MYOM1: variants seen among roughly 807,000 people sequenced by gnomAD.
MYOM1 encodes myomesin 1.
A neutral mutation model predicts 205.3 loss-of-function variants in MYOM1; 164 were observed. The ratio of observed to expected loss-of-function variants is 0.80; its 90% confidence interval spans 0.70 to 0.91. MYOM1 has a LOEUF of 0.91. Among genes scored for constraint, MYOM1 ranks in the 40% least tolerant of loss-of-function variants. The pLI, the probability that MYOM1 is intolerant of heterozygous loss-of-function variation, is 0.00. For synonymous variants in MYOM1, 772 were observed against 789.4 expected (o/e 0.98, Z 0.37); for missense variants, 2,011 against 2,127.3 (o/e 0.95, Z 1.08).
intron 34 of MYOM1, among the ~76,000 whole-genome samples, chr18:3,076,850 A>G (rs2079025650): frequency 6.6e-6 from 1 of 151,046 alleles, no homozygotes; most frequent in Admixed American, 6.6e-5. Context: ...AGTAGCTGGG[A>G]CTTCAGGCAC....
chr18:3,094,328 A>G, intron 25 of MYOM1, 22 bp from the exon 26 acceptor site: 1 of 1,587,344 alleles, frequency 6.3e-7, no homozygotes, highest in Admixed American at 1.8e-5. Context: ...AAAAATAAAC[A>G]CAGTAATTAT....
At chr18:3,154,842 G>T in intron 11 of MYOM1, 105 bp downstream of exon 11, 1 of 1,256,210 alleles carries the variant, frequency 8.0e-7, no homozygotes, top group Non-Finnish European at 1.1e-6. Context: ...AAGAGGAGGA[G>T]AGGAAAGCCA....
intron 21 of MYOM1, among the ~76,000 whole-genome samples, chr18:3,116,073 G>A (rs1460629783): frequency 6.6e-6 from 1 of 152,142 alleles, no homozygotes; most frequent in Non-Finnish European, 1.5e-5. Flanking sequence ...GTAAGTTGAG[G>A]CAAGGAGAGA....
intron 22 of MYOM1, among the ~76,000 whole-genome samples, chr18:3,110,744 T>C (rs1465406578): frequency 6.7e-6 from 1 of 149,716 alleles, no homozygotes; most frequent in African/African-American, 2.4e-5. Flanking sequence ...TTTTTTCTTT[T>C]TTTTTTTTTT....
At chr18:3,222,242 C>T (rs2144285260), upstream of MYOM1, among the ~76,000 whole-genome samples, 2 of 152,244 alleles carry the variant, frequency 1.3e-5, no homozygotes, top group Non-Finnish European at 2.9e-5. Context: ...CCAAGTTTTT[C>T]TTCTTTAGTT....
intron 13 of MYOM1, among the ~76,000 whole-genome samples, chr18:3,148,374 G>A (rs2080160268): frequency 6.6e-6 from 1 of 152,150 alleles, no homozygotes; most frequent in Non-Finnish European, 1.5e-5. Flanking sequence ...AAATAATTAT[G>A]CTGAGTAAAG....
At chr18:3,162,580 A>C (rs115156498) in intron 10 of MYOM1, among the ~76,000 whole-genome samples, 2,578 of 152,200 alleles carry the variant, frequency 0.017, 77 homozygotes, top group African/African-American at 0.058. Flanking sequence ...TTGTGCCTCT[A>C]CTAGATCTCT....
At chr18:3,232,636 A>C in the MYOM1 span, among the ~76,000 whole-genome samples, 1 of 152,232 alleles carries the variant, frequency 6.6e-6, no homozygotes, top group Non-Finnish European at 1.5e-5. Flanking sequence ...ACATTAGTTA[A>C]AGCCATTTTT....
At chr18:3,193,772 T>C (rs757704222) in intron 3 of MYOM1, 46 bp downstream of exon 3, 2 of 1,590,270 alleles carry the variant, frequency 1.3e-6, no homozygotes, top group East Asian at 4.5e-5. Context: ...TAGCACTTAC[T>C]ATATACTTCT....
chr18:3,137,071 C>A (rs1262891342), intron 14 of MYOM1, among the ~76,000 whole-genome samples: 1 of 152,032 alleles, frequency 6.6e-6, no homozygotes, highest in African/African-American at 2.4e-5. Flanking sequence ...CTGCCTCAGC[C>A]TCCCGAGTAG....
chr18:3,125,562 CA>C (rs112746940), intron 19 of MYOM1, among the ~76,000 whole-genome samples: 2,212 of 73,082 alleles, frequency 0.03, 25 homozygotes, highest in South Asian at 0.1. Context: ...AACTCCATCT[CA>C]AAAAAAAAAA....
At chr18:3,211,532 T>C (rs187872053) in intron 2 of MYOM1, among the ~76,000 whole-genome samples, 2 of 152,352 alleles carry the variant, frequency 1.3e-5, no homozygotes, top group African/African-American at 4.8e-5. Context: ...GGTTGCAACA[T>C]GGTCATAAGT....
At chr18:3,203,779 A>C (rs866176918) in intron 2 of MYOM1, among the ~76,000 whole-genome samples, 1 of 151,330 alleles carries the variant, frequency 6.6e-6, no homozygotes, top group South Asian at 2.1e-4. Flanking sequence ...AACTCATTCT[A>C]CAAGGTCAGT....
At chr18:3,237,598 CA>C in the MYOM1 span, among the ~76,000 whole-genome samples, 15,817 of 54,254 alleles carry the variant, frequency 0.29, 400 homozygotes, top group East Asian at 0.47. Flanking sequence ...GACTCCGTCT[CA>C]AAAAAAAAAA....
chr18:3,159,415 G>C (rs1048065266), intron 10 of MYOM1, among the ~76,000 whole-genome samples: 1 of 152,126 alleles, frequency 6.6e-6, no homozygotes, highest in Non-Finnish European at 1.5e-5. Flanking sequence ...TGAATACAAA[G>C]TTTTTTTAAA....
intron 23 of MYOM1, among the ~76,000 whole-genome samples, chr18:3,101,942 T>C (rs2079381720): frequency 5.4e-5 from 8 of 148,738 alleles, no homozygotes; most frequent in Admixed American, 4.7e-4. Flanking sequence ...TGCCTCAGCC[T>C]CCTGAGTTGC....
At chr18:3,200,652 T>C (rs928365772) in intron 2 of MYOM1, among the ~76,000 whole-genome samples, 3 of 151,712 alleles carry the variant, frequency 2.0e-5, no homozygotes, top group Non-Finnish European at 4.4e-5. Flanking sequence ...AAATAATCAA[T>C]AAAGTTGAAA....
At chr18:3,112,244 A>G in intron 22 of MYOM1, 54 bp downstream of exon 22, 1 of 1,457,874 alleles carries the variant, frequency 6.9e-7, no homozygotes, top group Non-Finnish European at 9.5e-7. Context: ...GCCGAACCTT[A>G]GTTCAGTATC....
rs141235627 is a variant in MYOM1, at chr18:3,083,924, A to C, written c.4379-30T>G. ...AAGAAGAAAATAGCATATTTCATAC[A>C]TCTGCATGCCCCTCCTGGCAGGAGG... is the stretch of plus-strand genomic sequence containing the variant. On this transcript the variant is annotated intron_variant, in intron 32 of 37. Transcript: ENST00000356443. 3.4e-3 allele frequency: 5,366 copies of C among 1,575,424 alleles called. 26 individuals are homozygous for C. The highest frequency in any genetic ancestry group is 0.02 in the Middle Eastern group (118 of 6,016).
Sources: allele counts gnomAD v4.1 joint callset (sites outside exome capture counted in the v4.1 genomes callset), GRCh38; gene constraint gnomAD v4.1.1; transcripts MANE v1.5; gene names NCBI Gene and HGNC (gene_info 2026-07-23, HGNC 2026-07-21).